TNRC18: variants seen among roughly 807,000 people sequenced by gnomAD.
The protein encoded by TNRC18 is trinucleotide repeat containing 18.
Under a neutral mutation model 226.7 loss-of-function variants are expected in TNRC18, and 69 were observed. The ratio of observed to expected loss-of-function variants is 0.30; its 90% confidence interval spans 0.25 to 0.37. TNRC18 has a LOEUF of 0.37. Ranked by LOEUF, TNRC18 falls within the 10% of genes least tolerant of loss-of-function variation. TNRC18 has a pLI of 1.00. For missense variants in TNRC18, 4,754 were observed against 4,256.6 expected (o/e 1.12, Z -3.25); for synonymous variants, 2,449 against 1,927.6 (o/e 1.27, Z -7.09).
intron 2 of TNRC18, among the ~76,000 whole-genome samples, chr7:5,411,368 G>C (rs1184714569): frequency 6.6e-6 from 1 of 151,656 alleles, no homozygotes; most frequent in Non-Finnish European, 1.5e-5. Flanking sequence ...ATCCTAGAGG[G>C]AAGGCCGTGT....
rs553602094 is a variant in TNRC18, at chr7:5,321,262, C to A, written c.6443-72G>T. On this transcript the variant is annotated intron_variant, in intron 21 of 29. Coordinates refer to ENST00000430969, the MANE Select transcript of TNRC18 (RefSeq NM_001080495.3). ...CGACACCTCTCCCTCCTCCCGTTAC[C>A]CCCAAGTCATCCCCTTGGAATGGAG... 3.5e-5 allele frequency: 40 copies of A among 1,137,794 alleles called. No homozygotes were observed. In the African/African-American group the frequency reaches 4.7e-4, roughly 13 times the overall value. 70.5% of individuals were successfully genotyped at this position (1,137,794 alleles called of 1,614,324 possible).
At chr7:5,357,301 G>T in intron 15 of TNRC18, 25 bp from the exon 16 acceptor site, 1 of 1,592,004 alleles carries the variant, frequency 6.3e-7, no homozygotes. Flanking sequence ...TGGGTCATGG[G>T]TTAAAAGATC....
chr7:5,346,146 A>G (rs1346512589), intron 17 of TNRC18, among the ~76,000 whole-genome samples: 1 of 152,260 alleles, frequency 6.6e-6, no homozygotes. Flanking sequence ...AGCGTTCTCC[A>G]CAGTCACACG....
chr7:5,398,594 C>T (rs1238884995), intron 2 of TNRC18, among the ~76,000 whole-genome samples: 1 of 151,548 alleles, frequency 6.6e-6, no homozygotes, highest in Non-Finnish European at 1.5e-5. Context: ...GCTGGGATTA[C>T]AGGCATGAGC....
In TNRC18 at chr7:5,308,880, T is replaced by C. The variant is rs762507264; in HGVS notation, c.8695A>G (p.Met2899Val). Reference protein sequence around the residue: ...LRVSSQRKDFMERALYQSSHV... With the variant: ...LRVSSQRKDFVERALYQSSHV... ...CCACCACCACCACCACCTACCTCCA[T>C]GAAGTCCTTCCTCTGGCTGGAGACC... The change falls in exon 29 of 30, where the codon ATG becomes GTG. Residue 2899 changes from methionine (M) to valine (V), a missense_variant. Coordinates refer to ENST00000430969, the MANE Select transcript of TNRC18 (RefSeq NM_001080495.3). 7.0e-6 allele frequency: 7 copies of C among 1,002,116 alleles called. No homozygotes were observed. The Admixed American group carries it at 1.3e-4, about 19-fold the overall frequency. 62.1% of individuals were successfully genotyped at this position (1,002,116 alleles called of 1,614,324 possible).
At chr7:5,337,593 A>C (rs1444531367) in intron 18 of TNRC18, among the ~76,000 whole-genome samples, 3 of 152,232 alleles carry the variant, frequency 2.0e-5, no homozygotes, top group African/African-American at 7.2e-5. Context: ...TCCTCAGACA[A>C]GAATGAAAAG....
intron 14 of TNRC18, 78 bp downstream of exon 14, chr7:5,361,516 G>A: frequency 7.1e-7 from 1 of 1,413,320 alleles, no homozygotes; most frequent in Non-Finnish European, 9.2e-7. Context: ...AGCACCCCGA[G>A]GCAGGCCCTG....
intron 11 of TNRC18, among the ~76,000 whole-genome samples, chr7:5,368,251 G>C (rs1424028756): frequency 6.6e-6 from 1 of 150,414 alleles, no homozygotes; most frequent in Non-Finnish European, 1.5e-5. Context: ...AAAATCACTT[G>C]AGTTCAAGAG....
At position 5,421,044 on chromosome 7, in the gene TNRC18, G is replaced by C; in HGVS notation, c.187+16C>G. The C allele has an allele frequency of 6.5e-7, 1 of 1,527,940 alleles. No individual in the cohort carries two copies. The highest frequency in any genetic ancestry group is 1.2e-5 in the South Asian group (1 of 83,330). 94.6% of individuals were successfully genotyped at this position (1,527,940 alleles called of 1,614,324 possible). On this transcript the variant is annotated intron_variant, in intron 2 of 29. Transcript: ENST00000430969. ...TGGGAAGACAGGAGGGGACGGGCAC[G>C]GCGCGGGGCACTTACCCGGGTGCGG...
At chr7:5,326,985 A>G (rs541404514) in intron 19 of TNRC18, among the ~76,000 whole-genome samples, 15 of 152,132 alleles carry the variant, frequency 9.9e-5, no homozygotes, top group Middle Eastern at 3.4e-3. Context: ...GTAGCTGGGC[A>G]TGGTGGCACA....
In TNRC18 at chr7:5,376,198, G is replaced by GT; in HGVS notation, c.2634dup (p.Pro879ThrfsTer235). The GT allele has an allele frequency of 6.6e-7, 1 of 1,525,620 alleles. No individual in the cohort carries two copies. Among genetic ancestry groups the GT allele is most frequent in the Non-Finnish European group, 8.8e-7 (1 of 1,139,420 alleles). The allele number at this position is 1,525,620 out of a possible 1,614,324, so 94.5% of individuals were successfully genotyped here. On this transcript the variant is annotated frameshift_variant, in exon 9 of 30. Coordinates refer to ENST00000430969, the MANE Select transcript of TNRC18 (RefSeq NM_001080495.3). LOFTEE classifies it high-confidence loss of function. The stretch of plus-strand genomic sequence containing the variant: ...GGGTACAGGGCGGGCCAGAGGGGCG[G>GT]TACGGTGGCCCGCTCCATCAGCTCC...
chr7:5,360,203 T>TTTTATTTA (rs373223281), intron 14 of TNRC18, among the ~76,000 whole-genome samples: 1,908 of 151,194 alleles, frequency 0.013, 27 homozygotes, highest in African/African-American at 0.029. Flanking sequence ...TGCTGCTGTA[T>TTTTATTTA]TTTATTTATT....
At chr7:5,401,858 T>G (rs889181205) in intron 2 of TNRC18, among the ~76,000 whole-genome samples, 1 of 151,790 alleles carries the variant, frequency 6.6e-6, no homozygotes, top group African/African-American at 2.4e-5. Flanking sequence ...AAGGCCAAAG[T>G]GGGAGGACCG....
Position 5,421,195 on chromosome 7 carries a change from G to C in TNRC18, c.52C>G (p.Pro18Ala), listed in dbSNP as rs753540573. Residue 18 changes from proline (P) to alanine (A), a missense_variant, in exon 2 of 30, where the codon CCG becomes GCG. Coordinates refer to ENST00000430969, the MANE Select transcript of TNRC18 (RefSeq NM_001080495.3). ...TCCATGGCCAGGCCGGACAGCAGCG[G>C]CGGCGGGGGACCGTGCACGGACCGC... Reference protein sequence around the residue: ...PQRSVHGPPPPLLSGLAMDSH... With the variant: ...PQRSVHGPPPALLSGLAMDSH... 155 of 1,381,414 alleles carry C rather than the reference G, an allele frequency of 1.1e-4. No individual in the cohort carries two copies. The highest frequency in any genetic ancestry group is 1.4e-4 in the Non-Finnish European group (149 of 1,065,012). The allele number at this position is 1,381,414 out of a possible 1,614,324, so 85.6% of individuals were successfully genotyped here.
intron 2 of TNRC18, among the ~76,000 whole-genome samples, chr7:5,401,176 A>T (rs1408234602): frequency 1.5e-5 from 2 of 133,890 alleles, no homozygotes; most frequent in East Asian, 4.8e-4. Flanking sequence ...GTTGCTGGGG[A>T]CCCTTCTAGA....
At chr7:5,356,781 C>G (rs1189900951) in intron 16 of TNRC18, 135 bp downstream of exon 16, 106 of 1,289,580 alleles carry the variant, frequency 8.2e-5, no homozygotes, top group Non-Finnish European at 9.9e-5. Flanking sequence ...AGCTCAGGCA[C>G]TGTAGTGCGC....
At chr7:5,339,564 TG>T (rs1249808431) in intron 18 of TNRC18, among the ~76,000 whole-genome samples, 2 of 147,974 alleles carry the variant, frequency 1.4e-5, no homozygotes, top group African/African-American at 2.5e-5. Flanking sequence ...TGTGTGTGTG[TG>T]TGTGTGTGTG....
chr7:5,417,938 T>C (rs987547014), intron 2 of TNRC18, among the ~76,000 whole-genome samples: 1 of 152,170 alleles, frequency 6.6e-6, no homozygotes, highest in Non-Finnish European at 1.5e-5. Context: ...CGTGGCCCCC[T>C]GTTGCCAAGC....
At chr7:5,393,671 C>T (rs1024571593) in intron 3 of TNRC18, among the ~76,000 whole-genome samples, 2 of 152,170 alleles carry the variant, frequency 1.3e-5, no homozygotes, top group Non-Finnish European at 2.9e-5. Flanking sequence ...ACATCCAGAA[C>T]CTGTCAAAGC....
Sources: gnomAD v4.1 joint callset for allele counts (sites outside exome capture counted in the v4.1 genomes callset) on GRCh38, gnomAD v4.1.1 for gene constraint, MANE v1.5 for transcripts, NCBI Gene and HGNC (gene_info 2026-07-23, HGNC 2026-07-21) for gene names.